The following GRIK2 variants were observed in gnomAD, a reference collection of about 807,000 sequenced individuals.
The protein encoded by GRIK2 is glutamate receptor ionotropic, kainate 2.
GRIK2 carries 32 observed loss-of-function variants against 100.3 expected under a neutral mutation model. That is an observed-to-expected ratio of 0.32 (90% CI 0.24 to 0.43). The LOEUF is 0.43. Ranked by LOEUF, GRIK2 falls within the 20% of genes least tolerant of loss-of-function variation. The pLI, the probability that GRIK2 is intolerant of heterozygous loss-of-function variation, is 1.00. For missense variants in GRIK2, 843 were observed against 1,114.9 expected (o/e 0.76, Z 3.47); for synonymous variants, 417 against 389.4 (o/e 1.07, Z -0.83).
intron 14 of GRIK2, among the ~76,000 whole-genome samples, chr6:101,940,286 G>C (rs925851377): frequency 2.0e-5 from 3 of 152,036 alleles, no homozygotes; most frequent in Admixed American, 6.6e-5. Flanking sequence ...AAGTCTTCCA[G>C]GCTTTACTTT....
chr6:102,066,048 T>C (rs1772002214), intron 16 of GRIK2: 1 of 456,634 alleles, frequency 2.2e-6, no homozygotes, highest in African/African-American at 2.0e-5. Context: ...ACATAATACA[T>C]AATGCATGGC....
At chr6:102,057,340 G>T (rs999935661) in intron 16 of GRIK2, among the ~76,000 whole-genome samples, 1 of 151,832 alleles carries the variant, frequency 6.6e-6, no homozygotes, top group Non-Finnish European at 1.5e-5. Flanking sequence ...TAGCTAGGCC[G>T]TATCTTTAGT....
chr6:101,923,775 G>GCC (rs1789703921), intron 12 of GRIK2, among the ~76,000 whole-genome samples: 1 of 151,856 alleles, frequency 6.6e-6, no homozygotes, highest in South Asian at 2.1e-4. Context: ...CAAAAAATTA[G>GCC]CTGGGTGTGG....
chr6:102,003,662 A>ATATC (rs1414086883), intron 14 of GRIK2, among the ~76,000 whole-genome samples: 1 of 151,876 alleles, frequency 6.6e-6, no homozygotes, highest in African/African-American at 2.4e-5. Flanking sequence ...GTCATTGCAT[A>ATATC]TATCTGCCAG....
chr6:101,728,382 G>T (rs1459195863), intron 7 of GRIK2, among the ~76,000 whole-genome samples: 1 of 152,022 alleles, frequency 6.6e-6, no homozygotes, highest in Non-Finnish European at 1.5e-5. Context: ...GTAGATACTT[G>T]CATTTCCGTT....
At chr6:101,585,347 C>T (rs1024965318) in intron 2 of GRIK2, among the ~76,000 whole-genome samples, 4 of 151,978 alleles carry the variant, frequency 2.6e-5, no homozygotes, top group Non-Finnish European at 4.4e-5. Context: ...ATTCAGTGTA[C>T]AAGAATGTTA....
chr6:102,068,315 G>C, intron 16 of GRIK2, 32 bp from the exon 17 acceptor site: 1 of 1,501,898 alleles, frequency 6.7e-7, no homozygotes, highest in Non-Finnish European at 9.2e-7. Context: ...TATGTATCTT[G>C]TAATATTTAA....
At chr6:101,752,543 TAA>T (rs1211196847) in intron 7 of GRIK2, among the ~76,000 whole-genome samples, 3 of 152,210 alleles carry the variant, frequency 2.0e-5, no homozygotes, top group East Asian at 1.9e-4. Context: ...TAAAACCCAT[TAA>T]GAGTTTATTT....
In GRIK2 at chr6:101,818,497, T is replaced by C; in HGVS notation, c.1317+14T>C. 7.3e-7 allele frequency: 1 copy of C among 1,377,894 alleles called. No individual in the cohort carries two copies. The highest frequency in any genetic ancestry group is 1.0e-6 in the Non-Finnish European group (1 of 965,500). The allele number at this position is 1,377,894 out of a possible 1,614,324, so 85.4% of individuals were successfully genotyped here. Reference sequence around the variant, plus strand: ...ACCACCATTTTGGTAAGTATTTGCTTTTCCATTATTCTTAGTTAAATGTAG... The same window carrying C: ...ACCACCATTTTGGTAAGTATTTGCTCTTCCATTATTCTTAGTTAAATGTAG... On this transcript the variant is annotated intron_variant, in intron 10 of 16. Coordinates refer to ENST00000369134, the MANE Select transcript of GRIK2 (RefSeq NM_021956.5).
intron 2 of GRIK2, among the ~76,000 whole-genome samples, chr6:101,534,813 G>C (rs1240536842): frequency 6.6e-6 from 1 of 151,520 alleles, no homozygotes; most frequent in East Asian, 1.9e-4. Context: ...GAGAATAAAA[G>C]TTCACCATCA....
chr6:101,688,112 AATATTATATAAAAATATTTAT>A (rs1367766847), intron 7 of GRIK2, among the ~76,000 whole-genome samples: 5 of 146,522 alleles, frequency 3.4e-5, no homozygotes, highest in Admixed American at 2.0e-4. Flanking sequence ...AAAATATTTA[AATATTATATAAAAATATTTAT>A]ATATTATAAT....
At chr6:101,843,034 A>G (rs115584791) in intron 10 of GRIK2, among the ~76,000 whole-genome samples, 3,788 of 152,288 alleles carry the variant, frequency 0.025, 170 homozygotes, top group African/African-American at 0.086. Context: ...TAATCTTTGG[A>G]TGCAAAATGT....
At chr6:101,682,703 C>G in intron 6 of GRIK2, 97 bp downstream of exon 6, 16 of 569,174 alleles carry the variant, frequency 2.8e-5, no homozygotes. Flanking sequence ...ATGACTGATT[C>G]CTTTGTAGTT....
chr6:101,925,286 AC>A (rs1182509857), intron 13 of GRIK2, among the ~76,000 whole-genome samples: 28 of 152,242 alleles, frequency 1.8e-4, no homozygotes, highest in Non-Finnish European at 2.9e-5. Flanking sequence ...ATGCAAAAAT[AC>A]TTTTTCGTAA....
intron 14 of GRIK2, among the ~76,000 whole-genome samples, chr6:101,981,168 C>T (rs1057074023): frequency 6.6e-6 from 1 of 151,778 alleles, no homozygotes; most frequent in African/African-American, 2.4e-5. Context: ...CATCATCCCA[C>T]TCACTCCTTC....
At chr6:101,767,183 G>T (rs1778091789) in intron 7 of GRIK2, among the ~76,000 whole-genome samples, 1 of 152,268 alleles carries the variant, frequency 6.6e-6, no homozygotes, top group East Asian at 1.9e-4. Context: ...TAATTCTGCG[G>T]TTTATCAGCA....
chr6:101,743,267 A>T (rs371871093), intron 7 of GRIK2, among the ~76,000 whole-genome samples: 10 of 152,328 alleles, frequency 6.6e-5, no homozygotes, highest in East Asian at 5.8e-4. Flanking sequence ...CAGCGATGTT[A>T]TAAGAAAGTT....
chr6:101,991,071 C>T (rs1794336886), intron 14 of GRIK2, among the ~76,000 whole-genome samples: 2 of 151,762 alleles, frequency 1.3e-5, no homozygotes, highest in Non-Finnish European at 2.9e-5. Flanking sequence ...CTTACTGATT[C>T]ATAATAGAAC....
At chr6:101,934,450 A>G (rs180721269) in intron 14 of GRIK2, among the ~76,000 whole-genome samples, 99 of 152,008 alleles carry the variant, frequency 6.5e-4, no homozygotes, top group Non-Finnish European at 1.5e-4. Flanking sequence ...GTGATTGTAT[A>G]TGATAGTATA....
Sources: gnomAD v4.1 joint callset for allele counts (sites outside exome capture counted in the v4.1 genomes callset) on GRCh38, gnomAD v4.1.1 for gene constraint, MANE v1.5 for transcripts, NCBI Gene and HGNC (gene_info 2026-07-23, HGNC 2026-07-21) for gene names.